VPS13C: variants seen among roughly 807,000 people sequenced by gnomAD.
The protein encoded by VPS13C is intermembrane lipid transfer protein VPS13C.
VPS13C carries 358 observed loss-of-function variants against 456.8 expected under a neutral mutation model. That is an observed-to-expected ratio of 0.78 (90% CI 0.72 to 0.86). VPS13C has a LOEUF of 0.86. VPS13C is among the 40% of genes least tolerant of loss of function. The pLI is 0.00. For synonymous variants in VPS13C, 1,578 were observed against 1,486.7 expected (o/e 1.06, Z -1.41); for missense variants, 4,818 against 4,385.4 (o/e 1.10, Z -2.79).
chr15:62,036,046 A>G (rs1249330399), intron 3 of VPS13C, among the ~76,000 whole-genome samples: 1 of 152,016 alleles, frequency 6.6e-6, no homozygotes, highest in South Asian at 2.1e-4. Flanking sequence ...AAATGTCCCC[A>G]ATCTGCCTTA....
intron 1 of VPS13C, among the ~76,000 whole-genome samples, chr15:62,057,833 T>C (rs891804996): frequency 6.6e-6 from 1 of 152,232 alleles, no homozygotes; most frequent in African/African-American, 2.4e-5. Flanking sequence ...AGTATACTCC[T>C]CAATGTCATG....
chr15:61,973,117 T>C (rs1334371251), intron 26 of VPS13C, among the ~76,000 whole-genome samples: 2 of 152,190 alleles, frequency 1.3e-5, no homozygotes, highest in African/African-American at 2.4e-5. Context: ...CCTGTCCTGA[T>C]GAAGCTTACA....
At chr15:61,902,184 C>T (rs936803569) in intron 66 of VPS13C, among the ~76,000 whole-genome samples, 3 of 150,424 alleles carry the variant, frequency 2.0e-5, no homozygotes, top group Admixed American at 6.6e-5. Context: ...GTGGGTGCAG[C>T]GCACCAGCAT....
At chr15:61,915,070 T>A (rs1324033028) in intron 61 of VPS13C, among the ~76,000 whole-genome samples, 1 of 151,716 alleles carries the variant, frequency 6.6e-6, no homozygotes. Flanking sequence ...TCAGGAACGA[T>A]GAAGAAGACA....
chr15:61,874,000 T>TA (rs940540738), intron 77 of VPS13C, among the ~76,000 whole-genome samples: 9 of 150,078 alleles, frequency 6.0e-5, no homozygotes, highest in South Asian at 2.1e-4. Flanking sequence ...ACTCAGGCAT[T>TA]AAAAAAAATG....
intron 66 of VPS13C, among the ~76,000 whole-genome samples, chr15:61,891,550 A>T (rs1233459221): frequency 6.6e-6 from 1 of 152,214 alleles, no homozygotes; most frequent in Non-Finnish European, 1.5e-5. Flanking sequence ...TTATTATTCC[A>T]ATATTATCTG....
At chr15:61,891,658 T>C (rs759256512) in intron 66 of VPS13C, among the ~76,000 whole-genome samples, 1 of 152,236 alleles carries the variant, frequency 6.6e-6, no homozygotes, top group African/African-American at 2.4e-5. Flanking sequence ...TATATGTTGA[T>C]GCAATACTAT....
In VPS13C at chr15:61,991,003, C is replaced by G; in HGVS notation, c.1575G>C (p.Lys525Asn). 1 of 1,605,122 alleles carries G rather than the reference C, an allele frequency of 6.2e-7. No homozygotes were observed. Among genetic ancestry groups the G allele is most frequent in the Non-Finnish European group, 8.5e-7 (1 of 1,174,170 alleles). ...SESTHNLTLP[K>N]QYVAHIMTLK... The stretch of plus-strand genomic sequence containing the variant: ...TTTAAACCACTTAAATAATTACCTG[C>G]TTAGGTAAAGTTAGGTTGTGGGTAC... The change falls in exon 18 of 85, where the codon AAG (lysine) becomes AAC (asparagine). Residue 525 changes from lysine to asparagine, a missense_variant. Around this residue, in one of 3 missense-constraint regions of VPS13C, gnomAD observed 4,552 missense variants for 4,130.6 expected, o/e 1.10. Transcript: ENST00000644861.
At chr15:61,973,640 G>C in intron 25 of VPS13C, 108 bp from the exon 26 acceptor site, 2 of 768,488 alleles carry the variant, frequency 2.6e-6, no homozygotes, top group South Asian at 1.5e-5. Context: ...GATATGGAAA[G>C]ACACATACAC....
At position 61,868,642 on chromosome 15, in the gene VPS13C, T is replaced by C; in HGVS notation, c.10863+17A>G. The C allele has an allele frequency of 6.2e-7, 1 of 1,609,896 alleles. No homozygotes were observed. Among genetic ancestry groups the C allele is most frequent in the African/African-American group, 1.3e-5 (1 of 74,962 alleles). Reference sequence around the variant, plus strand: ...TAAAATTCCATTTCACTCGTGACCATGAAGAACAAAATTTACCTCAAGTAA... The same window carrying C: ...TAAAATTCCATTTCACTCGTGACCACGAAGAACAAAATTTACCTCAAGTAA... On this transcript the variant is annotated intron_variant, in intron 81 of 84. Transcript: ENST00000644861.
chr15:62,038,559 G>T (rs980328680), intron 3 of VPS13C, among the ~76,000 whole-genome samples: 2 of 152,078 alleles, frequency 1.3e-5, no homozygotes, highest in African/African-American at 4.8e-5. Flanking sequence ...TGCATTCCAG[G>T]CTGGGCAACA....
intron 66 of VPS13C, among the ~76,000 whole-genome samples, chr15:61,894,709 C>T (rs538347492): frequency 1.3e-5 from 2 of 152,042 alleles, no homozygotes; most frequent in Non-Finnish European, 2.9e-5. Flanking sequence ...ATATATGTAC[C>T]CAACACCAGA....
chr15:62,023,921 G>C (rs111502876), intron 6 of VPS13C, 76 bp from the exon 7 acceptor site: 1 of 1,392,938 alleles, frequency 7.2e-7, no homozygotes, highest in African/African-American at 1.4e-5. Context: ...AAGAAAACAA[G>C]AGAATTTTTC....
At position 61,920,351 on chromosome 15, in the gene VPS13C, C is replaced by A. The variant is rs1289929026; in HGVS notation, c.7213-20G>T. 3.9e-6 allele frequency: 6 copies of A among 1,551,540 alleles called. No individual in the cohort carries two copies. The African/African-American group carries it at 6.9e-5, about 18-fold the overall frequency. The stretch of plus-strand genomic sequence containing the variant: ...AAAACCCTGAAAAGGAACATATCAT[C>A]ACAGTAAAATTTTTGAAAAACATAC... On this transcript the variant is annotated intron_variant, in intron 56 of 84. Coordinates refer to ENST00000644861, the MANE Select transcript of VPS13C (RefSeq NM_020821.3).
chr15:61,887,121 A>C (rs1454796936), intron 67 of VPS13C, among the ~76,000 whole-genome samples: 4 of 151,010 alleles, frequency 2.6e-5, no homozygotes, highest in Non-Finnish European at 5.9e-5. Context: ...CACATTTGAC[A>C]TGACTGTCTA....
At chr15:61,980,550 T>C (rs557876792) in intron 22 of VPS13C, among the ~76,000 whole-genome samples, 1 of 152,300 alleles carries the variant, frequency 6.6e-6, no homozygotes, top group Non-Finnish European at 1.5e-5. Flanking sequence ...TGAGGGCAGT[T>C]GTATAAGATT....
intron 8 of VPS13C, among the ~76,000 whole-genome samples, chr15:62,022,462 T>C (rs1423515180): frequency 6.6e-6 from 1 of 151,930 alleles, no homozygotes; most frequent in Non-Finnish European, 1.5e-5. Context: ...GCGTTGAGTA[T>C]ACTTTATTTT....
At chr15:61,961,540 G>T in intron 35 of VPS13C, 49 bp downstream of exon 35, 2 of 1,477,856 alleles carry the variant, frequency 1.4e-6, no homozygotes, top group South Asian at 1.4e-5. Context: ...AAAATTTCAT[G>T]GAAATCATGA....
At chr15:61,877,623 G>C (rs1433230950) in intron 74 of VPS13C, among the ~76,000 whole-genome samples, 1 of 151,654 alleles carries the variant, frequency 6.6e-6, no homozygotes. Flanking sequence ...TTTCCAAAAA[G>C]AGAACTACTG....
Sources: allele counts gnomAD v4.1 joint callset (sites outside exome capture counted in the v4.1 genomes callset), GRCh38; gene constraint gnomAD v4.1.1; regional missense constraint gnomAD v4.1.1; transcripts MANE v1.5; gene names NCBI Gene and HGNC (gene_info 2026-07-23, HGNC 2026-07-21).